SIX5: variants seen among roughly 807,000 people sequenced by gnomAD.
SIX5 encodes SIX homeobox 5, also known as homeobox protein SIX5.
In SIX5, 21 loss-of-function variants were observed where a neutral mutation model predicts 37.1. The observed-to-expected ratio is 0.57, with a 90% CI of 0.40 to 0.81. The LOEUF (loss-of-function observed/expected upper bound fraction) is 0.81. Among genes scored for constraint, SIX5 ranks in the 40% least tolerant of loss-of-function variants. The probability of loss-of-function intolerance (pLI) is 0.00; values close to 1 mark genes in which losing one functional copy is unlikely to be tolerated. For missense variants in SIX5, 1,137 were observed against 1,025.1 expected (o/e 1.11, Z -1.49); for synonymous variants, 626 against 505.9 (o/e 1.24, Z -3.19).
chr19:45,768,067 C>T lies in SIX5; in HGVS notation c.778G>A (p.Ala260Thr), dbSNP rs111542024. ...KNRRQRDRTGAGGGAPCKSES... is the reference protein window; with the variant it reads ...KNRRQRDRTGTGGGAPCKSES... ...CTCTTGCAGGGCGCGCCGCCTCCGG[C>T]CCCGGTCCGGTCGCGCTGTCGCCGG... Residue 260 changes from alanine to threonine, a missense_variant, in exon 1 of 3, where the codon GCC (alanine) becomes ACC (threonine). Ala to Thr is a moderately conservative substitution (Grantham distance 58). Around this residue, in one of 3 missense-constraint regions of SIX5, gnomAD observed 19 missense variants for 42.8 expected, o/e 0.44. Coordinates refer to ENST00000317578, the MANE Select transcript of SIX5 (RefSeq NM_175875.5). 4 of 1,598,360 alleles carry T rather than the reference C, an allele frequency of 2.5e-6. No individual in the cohort carries two copies. In the African/African-American group the frequency reaches 5.3e-5, roughly 21 times the overall value.
At chr19:45,767,841 G>C in intron 1 of SIX5, 1 of 594,198 alleles carries the variant, frequency 1.7e-6, no homozygotes, top group South Asian at 2.1e-5. Flanking sequence ...GAGGAGACGC[G>C]TGCGGGGAGA....
rs999834834 is a variant in SIX5, at chr19:45,768,167, G to A, written c.678C>T (p.Pro226=). 3 of 1,612,522 alleles carry A rather than the reference G, an allele frequency of 1.9e-6. No individual in the cohort carries two copies. The highest frequency in any genetic ancestry group is 2.7e-5 in the African/African-American group (2 of 74,940). Residue 226 remains proline, a synonymous_variant, in exon 1 of 3, where the codon CCC becomes CCT. Transcript: ENST00000317578. ...CCAGGCGGCGCTTCTCGTCCGGCGT[G>A]GGGTAGCGGTTGCCGCGGTAGCAGG... is the stretch of plus-strand genomic sequence containing the variant. ...LKACYRGNRY[P]TPDEKRRLAT... is the part of the protein sequence containing the mutation.
rs752213384 is a variant in SIX5 at position 45,765,528 on chromosome 19, C to G, written c.2193G>C (p.Val731=). 5.6e-6 allele frequency: 9 copies of G among 1,613,458 alleles called. No homozygotes were observed. The highest frequency in any genetic ancestry group is 7.6e-6 in the Non-Finnish European group (9 of 1,180,016). ...ACAGTTCCAAGGGCTCCTCCACAGGCACCGACTGGAGCTGGGTCAGAACCT... is the reference window on the plus strand; with the variant it reads ...ACAGTTCCAAGGGCTCCTCCACAGGGACCGACTGGAGCTGGGTCAGAACCT... The part of the protein sequence containing the change: ...EAKVLTQLQS[V]PVEEPLEL The change falls in exon 3 of 3, where the codon GTG becomes GTC. Residue 731 remains valine (V), a synonymous_variant. Coordinates refer to ENST00000317578, the MANE Select transcript of SIX5 (RefSeq NM_175875.5).
At position 45,768,818 on chromosome 19, in the gene SIX5, G is replaced by C. The variant is rs1969153854; in HGVS notation, c.27C>G (p.Ser9Arg). The stretch of plus-strand genomic sequence containing the variant: ...CCTCCCCCCCAGCCGCCGGCCCCGC[G>C]CTCGGCTCCGCAGGCAAGGTAGCCA... MATLPAEP[S>R]AGPAAGGEAV... Residue 9 changes from serine (S) to arginine (R), a missense_variant, in exon 1 of 3, where the codon AGC (serine) becomes AGG (arginine). Transcript: ENST00000317578. 6.6e-7 allele frequency: 1 copy of C among 1,519,206 alleles called. No individual in the cohort carries two copies. Among genetic ancestry groups the C allele is most frequent in the Admixed American group, 2.0e-5 (1 of 49,542 alleles). 94.1% of individuals were successfully genotyped at this position (1,519,206 alleles called of 1,614,324 possible). A position where few individuals can be genotyped will look rare whatever the true frequency, so the allele number is the denominator to read the frequency against.
chr19:45,766,271 G>T, intron 2 of SIX5, 79 bp downstream of exon 2: 1 of 1,503,566 alleles, frequency 6.7e-7, no homozygotes, highest in South Asian at 1.2e-5. Context: ...CAGGAGCCCA[G>T]GGACAGCCCC....
intron 1 of SIX5, 69 bp from the exon 2 acceptor site, chr19:45,767,224 G>C: frequency 6.6e-7 from 1 of 1,508,034 alleles, no homozygotes; most frequent in African/African-American, 1.4e-5. Flanking sequence ...CCAGCCAGCT[G>C]CTCCCCCACC....
rs1480116859 is a variant in SIX5, at chr19:45,766,912, G to A, written c.1047C>T (p.Ala349=). The A allele has an allele frequency of 1.9e-6, 3 of 1,558,150 alleles. No homozygotes were observed. Among genetic ancestry groups the A allele is most frequent in the Admixed American group, 3.8e-5 (2 of 52,736 alleles). The change falls in exon 2 of 3, where the codon GCC becomes GCT. Residue 349 remains alanine, a synonymous_variant. Transcript: ENST00000317578. ...GGCCCAGGCTGGAGGCCTCGCCCAG[G>A]GCCAGGCCGTTGATGATGACGGGGC... is the stretch of plus-strand genomic sequence containing the variant. ...NGGPVIINGL[A]LGEASSLGPL...
At position 45,765,374 on chromosome 19, in the gene SIX5, G is replaced by C; in HGVS notation, c.*127C>G. 7.1e-7 allele frequency: 1 copy of C among 1,400,886 alleles called. No individual in the cohort carries two copies. Among genetic ancestry groups the C allele is most frequent in the Non-Finnish European group, 1.0e-6 (1 of 997,886 alleles). 86.8% of individuals were successfully genotyped at this position (1,400,886 alleles called of 1,614,324 possible). On this transcript the variant is annotated 3_prime_UTR_variant, in exon 3 of 3. Coordinates refer to ENST00000317578, the MANE Select transcript of SIX5 (RefSeq NM_175875.5). ...CCCCAGCACCACCAGGGCTTGGAGA[G>C]GCCACCCAGGCAGAAGGATGTGGTG... is the stretch of plus-strand genomic sequence containing the variant.
chr19:45,767,545 G>A (rs990716930), intron 1 of SIX5, among the ~76,000 whole-genome samples: 5 of 152,084 alleles, frequency 3.3e-5, no homozygotes, highest in African/African-American at 1.2e-4. Context: ...CGGCGCTCAG[G>A]GTGGGAGGAG....
chr19:45,768,604 G>A lies in SIX5; in HGVS notation c.241C>T (p.Pro81Ser), dbSNP rs1401703292. ...GSPPEAASEP[P>S]TGLRFSPEQV... is the part of the protein sequence containing the mutation. ...TCGGGCGAGAAGCGGAGGCCCGTGG[G>A]CGGTTCGGAAGCGGCCTCGGGGGGC... Residue 81 changes from proline to serine, a missense_variant, in exon 1 of 3, where the codon CCC (proline) becomes TCC (serine). By Grantham distance (74) the Pro-to-Ser change is moderately conservative. This residue lies in a region of SIX5 where 331 missense variants were observed against 360.9 expected (regional missense o/e 0.92). Coordinates refer to ENST00000317578, the MANE Select transcript of SIX5 (RefSeq NM_175875.5). 20 of 1,324,262 alleles carry A rather than the reference G, an allele frequency of 1.5e-5. No individual in the cohort carries two copies. Among genetic ancestry groups the A allele is most frequent in the South Asian group, 2.2e-5 (1 of 45,548 alleles). The allele number at this position is 1,324,262 out of a possible 1,614,324, so 82.0% of individuals were successfully genotyped here.
rs188963592 is a variant in SIX5 at position 45,766,308 on chromosome 19, C to T, written c.1609+42G>A. 1.5e-4 allele frequency: 232 copies of T among 1,534,682 alleles called. No individual in the cohort carries two copies. The African/African-American group carries it at 3.0e-3, about 20-fold the overall frequency. On this transcript the variant is annotated intron_variant, in intron 2 of 2. Coordinates refer to ENST00000317578, the MANE Select transcript of SIX5 (RefSeq NM_175875.5). Reference sequence around the variant, plus strand: ...CCCTCTCCGAGATGACTGCACCCCTCCCCGGCTCTCACCTAGGCCTGAGGG... The same window carrying T: ...CCCTCTCCGAGATGACTGCACCCCTTCCCGGCTCTCACCTAGGCCTGAGGG...
chr19:45,765,422 T>C lies in SIX5; in HGVS notation c.*79A>G. 6.2e-7 allele frequency: 1 copy of C among 1,604,094 alleles called. No individual in the cohort carries two copies. Among genetic ancestry groups the C allele is most frequent in the Non-Finnish European group, 8.5e-7 (1 of 1,174,738 alleles). ...GTGACTGGGGTCTTCAGCAACCGCA[T>C]TTCTGGGGCTCCCCCCTCCCATTCC... On this transcript the variant is annotated 3_prime_UTR_variant, in exon 3 of 3. Coordinates refer to ENST00000317578, the MANE Select transcript of SIX5 (RefSeq NM_175875.5).
At position 45,768,321 on chromosome 19, in the gene SIX5, G is replaced by A. The variant is rs1969128963; in HGVS notation, c.524C>T (p.Ala175Val). Residue 175 changes from alanine to valine, a missense_variant, in exon 1 of 3, where the codon GCC becomes GTC. Around this residue, in one of 3 missense-constraint regions of SIX5, gnomAD observed 331 missense variants for 360.9 expected, o/e 0.92. Coordinates refer to ENST00000317578, the MANE Select transcript of SIX5 (RefSeq NM_175875.5). ...CACTGCGCCAAGCGCGCGGCCGCGG[G>A]CCCGCTCGGCCTCATGGTAGCGCGC... The part of the protein sequence containing the change: ...LRARYHEAER[A>V]RGRALGAVDK... The A allele has an allele frequency of 2.5e-6, 4 of 1,606,686 alleles. No individual in the cohort carries two copies. The highest frequency in any genetic ancestry group is 8.5e-7 in the Non-Finnish European group (1 of 1,177,326).
At position 45,766,568 on chromosome 19, in the gene SIX5, G is replaced by C. The variant is rs530336683; in HGVS notation, c.1391C>G (p.Thr464Arg). ...TAGTGGGGAGGTGGGGCTCAGGCCCGTGGGATACCCCGGGGGTGGGGAGAG... is the reference window on the plus strand; with the variant it reads ...TAGTGGGGAGGTGGGGCTCAGGCCCCTGGGATACCCCGGGGGTGGGGAGAG... Reference protein sequence around the residue: ...VPLSPPPGYPTGLSPTSPLLN... With the variant: ...VPLSPPPGYPRGLSPTSPLLN... The change falls in exon 2 of 3, where the codon ACG (threonine) becomes AGG (arginine). Residue 464 changes from threonine (T) to arginine (R), a missense_variant. Physicochemically the swap from Thr to Arg is moderately conservative, Grantham distance 71. This residue lies in a region of SIX5 where 787 missense variants were observed against 621.4 expected (regional missense o/e 1.27). Transcript: ENST00000317578. The C allele has an allele frequency of 5.4e-6, 8 of 1,475,286 alleles. No homozygotes were observed. In the Admixed American group the frequency reaches 7.1e-5, roughly 13 times the overall value. The allele number at this position is 1,475,286 out of a possible 1,614,324, so 91.4% of individuals were successfully genotyped here.
At position 45,769,023 on chromosome 19, in the gene SIX5, T is replaced by C. The variant is rs1969166106; in HGVS notation, c.-179A>G. On this transcript the variant is annotated 5_prime_UTR_variant, in exon 1 of 3. Transcript: ENST00000317578. ...ATCCAGCTCTCCACTCGGGTCTCTG[T>C]CCCCTTGTGTGTGTCCGTCCCCCTC... The C allele has an allele frequency of 1.7e-6, 1 of 595,704 alleles. No individual in the cohort carries two copies. The highest frequency in any genetic ancestry group is 3.0e-6 in the Non-Finnish European group (1 of 338,288). The allele number at this position is 595,704 out of a possible 1,614,324, so 36.9% of individuals were successfully genotyped here.
In SIX5 at chr19:45,766,263, G is replaced by A. The variant is rs1969071712; in HGVS notation, c.1609+87C>T. On this transcript the variant is annotated intron_variant, in intron 2 of 2. Coordinates refer to ENST00000317578, the MANE Select transcript of SIX5 (RefSeq NM_175875.5). Reference sequence around the variant, plus strand: ...CTTGCCAGGGATGAGATGCCCTCCAGGAGCCCAGGGACAGCCCCTCCCTCT... The same window carrying A: ...CTTGCCAGGGATGAGATGCCCTCCAAGAGCCCAGGGACAGCCCCTCCCTCT... 3.3e-6 allele frequency: 5 copies of A among 1,498,376 alleles called. No homozygotes were observed. In the South Asian group the frequency reaches 3.7e-5, roughly 11 times the overall value. The allele number at this position is 1,498,376 out of a possible 1,614,324, so 92.8% of individuals were successfully genotyped here.
chr19:45,766,312 G>C (rs781143085), intron 2 of SIX5, 38 bp downstream of exon 2: 4 of 1,537,738 alleles, frequency 2.6e-6, no homozygotes, highest in Admixed American at 2.0e-5. Flanking sequence ...ACCCCTCCCC[G>C]GCTCTCACCT....
At chr19:45,767,379 C>A (rs748355745) in intron 1 of SIX5, among the ~76,000 whole-genome samples, 3 of 152,188 alleles carry the variant, frequency 2.0e-5, no homozygotes, top group East Asian at 1.9e-4. Context: ...TGCTCTCCCC[C>A]ACCTCGGCCT....
Position 45,765,344 on chromosome 19 carries a change from A to T in SIX5, c.*157T>A, listed in dbSNP as rs1468510536. ...ACCTGGACAGGAGGTGGCCGGGGATACAACCCCCAGCACCACCAGGGCTTG... is the reference window on the plus strand; with the variant it reads ...ACCTGGACAGGAGGTGGCCGGGGATTCAACCCCCAGCACCACCAGGGCTTG... On this transcript the variant is annotated 3_prime_UTR_variant, in exon 3 of 3. Coordinates refer to ENST00000317578, the MANE Select transcript of SIX5 (RefSeq NM_175875.5). 3.8e-6 allele frequency: 4 copies of T among 1,039,910 alleles called. No individual in the cohort carries two copies. The highest frequency in any genetic ancestry group is 3.4e-5 in the Admixed American group (2 of 58,304). 64.4% of individuals were successfully genotyped at this position (1,039,910 alleles called of 1,614,324 possible). A position where few individuals can be genotyped will look rare whatever the true frequency, so the allele number is the denominator to read the frequency against.
Sources: allele counts gnomAD v4.1 joint callset (sites outside exome capture counted in the v4.1 genomes callset), GRCh38; gene constraint gnomAD v4.1.1; regional missense constraint gnomAD v4.1.1; transcripts MANE v1.5; gene names NCBI Gene and HGNC (gene_info 2026-07-23, HGNC 2026-07-21).